Variants in GFM2 observed in about 807,000 individuals in gnomAD.
The protein encoded by GFM2 is ribosome-releasing factor 2, mitochondrial.
Under a neutral mutation model 95.4 loss-of-function variants are expected in GFM2, and 72 were observed. That is an observed-to-expected ratio of 0.76 (90% CI 0.62 to 0.92). The LOEUF is 0.92. Ranked by LOEUF, GFM2 falls within the 40% of genes least tolerant of loss-of-function variation. GFM2 has a pLI of 0.00. For missense variants in GFM2, 825 were observed against 924.1 expected (o/e 0.89, Z 1.39); for synonymous variants, 276 against 317.5 (o/e 0.87, Z 1.39).
At chr5:74,722,258 A>T in intron 20 of GFM2, 121 bp downstream of exon 20, 1 of 836,330 alleles carries the variant, frequency 1.2e-6, no homozygotes, top group Non-Finnish European at 1.9e-6. Context: ...AACGAAACTT[A>T]ACATGTATTC....
At chr5:74,740,934 A>C (rs2112273675) in intron 11 of GFM2, among the ~76,000 whole-genome samples, 1 of 152,216 alleles carries the variant, frequency 6.6e-6, no homozygotes, top group South Asian at 2.1e-4. Flanking sequence ...GGCAACTCTT[A>C]CGTTTCATAA....
At chr5:74,740,935 C>A (rs1180309390) in intron 11 of GFM2, among the ~76,000 whole-genome samples, 3 of 152,044 alleles carry the variant, frequency 2.0e-5, no homozygotes, top group African/African-American at 7.2e-5. Context: ...GCAACTCTTA[C>A]GTTTCATAAA....
Position 74,751,496 on chromosome 5 carries a change from A to T in GFM2, c.305-3T>A, listed in dbSNP as rs1743709885. The stretch of plus-strand genomic sequence containing the variant: ...CACTGTGTCTCCATCATCAACATCT[A>T]GCCAGGAAAAAGATGATACAGTTTA... On this transcript the variant is annotated splice_region_variant and splice_polypyrimidine_tract_variant and intron_variant, in intron 5 of 20. Coordinates refer to ENST00000296805, the MANE Select transcript of GFM2 (RefSeq NM_032380.5). 2 of 1,606,480 alleles carry T rather than the reference A, an allele frequency of 1.2e-6. No individual in the cohort carries two copies. The highest frequency in any genetic ancestry group is 1.7e-6 in the Non-Finnish European group (2 of 1,173,490).
chr5:74,734,368 A>G (rs1161154627), intron 15 of GFM2, among the ~76,000 whole-genome samples: 1 of 152,088 alleles, frequency 6.6e-6, no homozygotes, highest in African/African-American at 2.4e-5. Flanking sequence ...AGAAAATTTT[A>G]TATTACATAT....
At chr5:74,742,527 T>G (rs1743163663) in intron 10 of GFM2, among the ~76,000 whole-genome samples, 1 of 152,230 alleles carries the variant, frequency 6.6e-6, no homozygotes, top group Admixed American at 6.5e-5. Flanking sequence ...GAATATATAC[T>G]AGTGTATAAT....
At position 74,760,995 on chromosome 5, in the gene GFM2, G is replaced by C. The variant is rs1412490099; in HGVS notation, c.64-9C>G. 5.4e-6 allele frequency: 8 copies of C among 1,475,396 alleles called. No homozygotes were observed. In the African/African-American group the frequency reaches 7.0e-5, roughly 13 times the overall value. The allele number at this position is 1,475,396 out of a possible 1,614,324, so 91.4% of individuals were successfully genotyped here. A position where few individuals can be genotyped will look rare whatever the true frequency, so the allele number is the denominator to read the frequency against. ...TTATAGCAGCATATATTCTAGTAAA[G>C]AGAAAAAGAAACTTGGCATTAATTT... On this transcript the variant is annotated splice_polypyrimidine_tract_variant and intron_variant, in intron 2 of 20. Coordinates refer to ENST00000296805, the MANE Select transcript of GFM2 (RefSeq NM_032380.5).
chr5:74,740,003 A>G lies in GFM2; in HGVS notation c.1065T>C (p.Arg355=), dbSNP rs1256135845. ...VTMYLPSPEE[R]NYEFLQWYKD... is the part of the protein sequence containing the mutation. ...TGCATACTTACAGAAATTCATAGTT[A>G]CGCTCTTCAGGTGAAGGTAAGTACA... The change falls in exon 12 of 21, where the codon CGT becomes CGC. Residue 355 remains arginine (R), a synonymous_variant. Transcript: ENST00000296805. 1 of 1,553,380 alleles carries G rather than the reference A, an allele frequency of 6.4e-7. No individual in the cohort carries two copies. Among genetic ancestry groups the G allele is most frequent in the Non-Finnish European group, 8.7e-7 (1 of 1,153,556 alleles).
intron 17 of GFM2, among the ~76,000 whole-genome samples, chr5:74,729,266 C>T (rs935958229): frequency 2.0e-5 from 3 of 152,194 alleles, no homozygotes; most frequent in African/African-American, 7.2e-5. Flanking sequence ...TGTTCCCTTA[C>T]CATACAGCCA....
intron 8 of GFM2, among the ~76,000 whole-genome samples, chr5:74,746,621 C>T (rs368928642): frequency 6.6e-6 from 1 of 152,106 alleles, no homozygotes; most frequent in African/African-American, 2.4e-5. Flanking sequence ...TCGTATGCTA[C>T]GCTATTCATT....
chr5:74,744,192 C>A (rs1743252064), intron 10 of GFM2, among the ~76,000 whole-genome samples: 1 of 107,818 alleles, frequency 9.3e-6, no homozygotes, highest in African/African-American at 4.6e-5. Flanking sequence ...ATCCATACAG[C>A]ATGTTACTGT....
rs1392593221 is a variant in GFM2, at chr5:74,745,859, TGTAA to T, written c.670-6_670-3del. The T allele has an allele frequency of 1.9e-6, 3 of 1,607,770 alleles. No homozygotes were observed. Among genetic ancestry groups the T allele is most frequent in the Non-Finnish European group, 2.5e-6 (3 of 1,177,040 alleles). ...AGTTTTGGCTTCACCAATTGGTAAC[TGTAA>T]GTCAGAGTGAGATTAACATTATTAC... On this transcript the variant is annotated splice_polypyrimidine_tract_variant and splice_region_variant and intron_variant, in intron 9 of 20. Transcript: ENST00000296805.
At chr5:74,735,051 G>A (rs941774632) in intron 15 of GFM2, among the ~76,000 whole-genome samples, 1 of 152,178 alleles carries the variant, frequency 6.6e-6, no homozygotes, top group Non-Finnish European at 1.5e-5. Flanking sequence ...GGGTTACTTT[G>A]TTTGGGCAGC....
At position 74,751,370 on chromosome 5, in the gene GFM2, G is replaced by A. The variant is rs753773151; in HGVS notation, c.428C>T (p.Pro143Leu). The A allele has an allele frequency of 7.4e-6, 12 of 1,611,564 alleles. No homozygotes were observed. The South Asian group carries it at 1.2e-4, about 16-fold the overall frequency. The change falls in exon 6 of 21, where the codon CCA becomes CTA. Residue 143 changes from proline to leucine, a missense_variant and splice_region_variant. Pro to Leu is a moderately conservative substitution (Grantham distance 98). Coordinates refer to ENST00000296805, the MANE Select transcript of GFM2 (RefSeq NM_032380.5). ...KGYRVNLIDT[P>L]GHVDFTLEVE... Reference sequence around the variant, plus strand: ...GTGTTACTGGAATCGTACCATACCTGGTGTATCAATTAGATTGACTCTATA... The same window carrying A: ...GTGTTACTGGAATCGTACCATACCTAGTGTATCAATTAGATTGACTCTATA...
At position 74,721,561 on chromosome 5, in the gene GFM2, C is replaced by A. The variant is rs2112191804; in HGVS notation, c.*94G>T. On this transcript the variant is annotated 3_prime_UTR_variant, in exon 21 of 21. Coordinates refer to ENST00000296805, the MANE Select transcript of GFM2 (RefSeq NM_032380.5). ...GTTCTCTGAATGTACTGAAACAGTA[C>A]TTTATTCGTCCAATAAATAAAGCAA... 1 of 1,323,300 alleles carries A rather than the reference C, an allele frequency of 7.6e-7. No homozygotes were observed. Among genetic ancestry groups the A allele is most frequent in the Non-Finnish European group, 1.1e-6 (1 of 934,344 alleles). The allele number at this position is 1,323,300 out of a possible 1,614,324, so 82.0% of individuals were successfully genotyped here.
chr5:74,759,097 CTCTGA>C, intron 4 of GFM2, 151 bp from the exon 5 acceptor site: 1 of 616,916 alleles, frequency 1.6e-6, no homozygotes. Context: ...ATCCACATTA[CTCTGA>C]TAAGATAGCT....
intron 19 of GFM2, among the ~76,000 whole-genome samples, chr5:74,725,381 C>T (rs1201633570): frequency 6.6e-6 from 1 of 152,180 alleles, no homozygotes; most frequent in East Asian, 1.9e-4. Flanking sequence ...AGAAATGTCA[C>T]TTAAGGAAGC....
intron 2 of GFM2, among the ~76,000 whole-genome samples, chr5:74,761,989 T>G (rs750414112): frequency 2.0e-5 from 3 of 152,216 alleles, no homozygotes; most frequent in Non-Finnish European, 4.4e-5. Flanking sequence ...ATGACTAGGA[T>G]AAGACCCAGT....
At chr5:74,736,107 T>C (rs975641654) in intron 15 of GFM2, among the ~76,000 whole-genome samples, 1 of 152,210 alleles carries the variant, frequency 6.6e-6, no homozygotes, top group Non-Finnish European at 1.5e-5. Flanking sequence ...CCTGATAACA[T>C]TGTGGAGCCA....
chr5:74,748,196 G>A (rs1561253081), intron 7 of GFM2, among the ~76,000 whole-genome samples: 1 of 152,108 alleles, frequency 6.6e-6, no homozygotes, highest in Non-Finnish European at 1.5e-5. Flanking sequence ...TAGGAATTTT[G>A]CCTTAATTAT....
Sources: allele counts gnomAD v4.1 joint callset (sites outside exome capture counted in the v4.1 genomes callset), GRCh38; gene constraint gnomAD v4.1.1; transcripts MANE v1.5; gene names NCBI Gene and HGNC (gene_info 2026-07-23, HGNC 2026-07-21).